Variants in ZSCAN32 observed in about 807,000 individuals in gnomAD.
The protein encoded by ZSCAN32 is zinc finger and SCAN domain containing 32, also known as zinc finger and SCAN domain-containing protein 32.
Under a neutral mutation model 47.4 loss-of-function variants are expected in ZSCAN32, and 52 were observed. The observed-to-expected ratio is 1.10, with a 90% CI of 0.88 to 1.38. The LOEUF is 1.38. ZSCAN32 is among the 40% of genes most tolerant of loss of function. The pLI is 0.00. For synonymous variants in ZSCAN32, 346 were observed against 305.7 expected (o/e 1.13, Z -1.38); for missense variants, 959 against 846.0 (o/e 1.13, Z -1.66).
intron 5 of ZSCAN32, 104 bp downstream of exon 5, chr16:3,389,906 A>T: frequency 8.2e-7 from 1 of 1,220,196 alleles, no homozygotes; most frequent in South Asian, 1.6e-5. Flanking sequence ...CCCTCCACCC[A>T]ACAGTCTCCC....
rs2031350418 is a variant in ZSCAN32, at chr16:3,382,613, G to A, written c.*239C>T. 1 of 413,574 alleles carries A rather than the reference G, an allele frequency of 2.4e-6. No individual in the cohort carries two copies. The highest frequency in any genetic ancestry group is 2.0e-5 in the African/African-American group (1 of 48,974). 25.6% of individuals were successfully genotyped at this position (413,574 alleles called of 1,614,324 possible). Reference sequence around the variant, plus strand: ...CCCTGGTTTCCTGGTAGAATTTATGGATCCTACAGCTTTCTCTCCATCAAA... The same window carrying A: ...CCCTGGTTTCCTGGTAGAATTTATGAATCCTACAGCTTTCTCTCCATCAAA... On this transcript the variant is annotated 3_prime_UTR_variant, in exon 7 of 7. Transcript: ENST00000396852.
chr16:3,397,174 C>A lies in ZSCAN32; in HGVS notation c.366+18G>T. On this transcript the variant is annotated intron_variant, in intron 2 of 6. Transcript: ENST00000396852. ...ACTTCATAACCAAAACCACAAAGTT[C>A]CGACTTCCTTTTCTCACCTGTTGTC... 1.3e-6 allele frequency: 2 copies of A among 1,490,636 alleles called. No individual in the cohort carries two copies. Among genetic ancestry groups the A allele is most frequent in the South Asian group, 2.7e-5 (2 of 73,836 alleles). 92.3% of individuals were successfully genotyped at this position (1,490,636 alleles called of 1,614,324 possible).
Position 3,383,114 on chromosome 16 carries a change from C to T in ZSCAN32, c.1832G>A (p.Gly611Glu). 1 of 1,614,162 alleles carries T rather than the reference C, an allele frequency of 6.2e-7. No individual in the cohort carries two copies. The highest frequency in any genetic ancestry group is 8.5e-7 in the Non-Finnish European group (1 of 1,180,046). Residue 611 changes from glycine (G) to glutamate (E), a missense_variant, in exon 7 of 7, where the codon GGA becomes GAA. By Grantham distance (98) the Gly-to-Glu change is moderately conservative (BLOSUM62 -2). Coordinates refer to ENST00000396852, the MANE Select transcript of ZSCAN32 (RefSeq NM_001284527.2). ...GEKPYQCIVCGKRFNNSSQFS... is the reference protein window; with the variant it reads ...GEKPYQCIVCEKRFNNSSQFS... The stretch of plus-strand genomic sequence containing the variant: ...CTGGGAACTGTTGTTGAATCTCTTT[C>T]CACAGACAATGCACTGGTAAGGCTT...
At chr16:3,386,419 GA>G (rs752929565) in intron 5 of ZSCAN32, among the ~76,000 whole-genome samples, 1 of 152,162 alleles carries the variant, frequency 6.6e-6, no homozygotes, top group Non-Finnish European at 1.5e-5. Flanking sequence ...AATACCATTT[GA>G]CCCAGCAATC....
intron 2 of ZSCAN32, among the ~76,000 whole-genome samples, chr16:3,395,336 T>C (rs2033265440): frequency 6.6e-6 from 1 of 152,206 alleles, no homozygotes; most frequent in African/African-American, 2.4e-5. Context: ...CCAAATCTCA[T>C]CTTCAGTTGT....
chr16:3,390,178 T>G (rs537967717), intron 4 of ZSCAN32, 45 bp from the exon 5 acceptor site: 1,742 of 1,544,924 alleles, frequency 1.1e-3, no homozygotes, highest in Non-Finnish European at 1.4e-3. Context: ...ATAGCACCAC[T>G]CTAGCCTGGG....
chr16:3,393,252 T>TAA (rs2033026138), intron 3 of ZSCAN32, among the ~76,000 whole-genome samples: 3 of 19,330 alleles, frequency 1.6e-4, no homozygotes, highest in African/African-American at 8.1e-4. Context: ...TATATATATA[T>TAA]ATATTTTTTG....
intron 3 of ZSCAN32, among the ~76,000 whole-genome samples, chr16:3,393,202 T>TTAATATATATATATA (rs1555474305): frequency 4.3e-5 from 1 of 23,242 alleles, no homozygotes; most frequent in African/African-American, 3.5e-4. Context: ...ATATATATAT[T>TTAATATATATATATA]TATATTTATA....
chr16:3,395,421 G>T (rs575636844), intron 2 of ZSCAN32, among the ~76,000 whole-genome samples: 1 of 152,268 alleles, frequency 6.6e-6, no homozygotes, highest in Non-Finnish European at 1.5e-5. Context: ...TTTCCTCCAT[G>T]CTACTCTAGT....
At chr16:3,388,013 A>AG (rs2150880158) in intron 5 of ZSCAN32, among the ~76,000 whole-genome samples, 1 of 152,378 alleles carries the variant, frequency 6.6e-6, no homozygotes, top group East Asian at 1.9e-4. Flanking sequence ...TCCTTCATGT[A>AG]GGGCCTCATG....
chr16:3,395,509 G>A (rs1258926096), intron 2 of ZSCAN32, among the ~76,000 whole-genome samples: 1 of 152,122 alleles, frequency 6.6e-6, no homozygotes, highest in Non-Finnish European at 1.5e-5. Context: ...AGGAGGACAT[G>A]TTTGCTTCCC....
intron 1 of ZSCAN32, among the ~76,000 whole-genome samples, chr16:3,399,565 G>A: frequency 6.6e-6 from 1 of 152,016 alleles, no homozygotes; most frequent in East Asian, 1.9e-4. Flanking sequence ...TTTAAAAATA[G>A]TTTTATATAA....
rs1329016703 is a variant in ZSCAN32, at chr16:3,397,538, C to G, written c.20G>C (p.Ser7Thr). The G allele has an allele frequency of 3.2e-6, 5 of 1,542,826 alleles. No homozygotes were observed. The South Asian group carries it at 3.6e-5, about 11-fold the overall frequency. MMAAVK[S>T]TEAHPSSNKD... ...GTTTGAGGATGGGTGTGCCTCGGTA[C>G]TCTTCACTGCAGCCATCATTTGCTT... Residue 7 changes from serine to threonine, a missense_variant, in exon 2 of 7, where the codon AGT (serine) becomes ACT (threonine). Coordinates refer to ENST00000396852, the MANE Select transcript of ZSCAN32 (RefSeq NM_001284527.2).
At chr16:3,390,595 T>G (rs1450558060) in intron 3 of ZSCAN32, 78 bp from the exon 4 acceptor site, 1 of 1,209,850 alleles carries the variant, frequency 8.3e-7, no homozygotes, top group East Asian at 2.7e-5. Context: ...AGTGGGCTCC[T>G]GGGCCAGCCG....
chr16:3,400,337 G>A (rs1369589850), intron 1 of ZSCAN32, among the ~76,000 whole-genome samples: 2 of 152,176 alleles, frequency 1.3e-5, no homozygotes, highest in Non-Finnish European at 2.9e-5. Context: ...AGCAAGGCCA[G>A]GACTAGAACC....
chr16:3,391,310 G>C (rs918602865), intron 3 of ZSCAN32, among the ~76,000 whole-genome samples: 1 of 152,080 alleles, frequency 6.6e-6, no homozygotes, highest in South Asian at 2.1e-4. Flanking sequence ...GTGTTCCCAA[G>C]GATTAAAAGG....
intron 3 of ZSCAN32, among the ~76,000 whole-genome samples, chr16:3,393,216 A>ATATATATT (rs2032977742): frequency 3.9e-5 from 1 of 25,646 alleles, no homozygotes; most frequent in African/African-American, 3.4e-4. Flanking sequence ...ATTTATATAT[A>ATATATATT]TATATATATA....
Position 3,397,266 on chromosome 16 carries a change from T to C in ZSCAN32, c.292A>G (p.Arg98Gly). ...ILPEEIQTWVREQHPENGEEA... is the reference protein window; with the variant it reads ...ILPEEIQTWVGEQHPENGEEA... ...TCGCCGTTTTCTGGATGCTGCTCCC[T>C]CACCCAGGTCTGGATCTCCTCTGGC... Residue 98 changes from arginine (R) to glycine (G), a missense_variant, in exon 2 of 7, where the codon AGG (arginine) becomes GGG (glycine). Arg to Gly is a moderately radical substitution (Grantham distance 125). Coordinates refer to ENST00000396852, the MANE Select transcript of ZSCAN32 (RefSeq NM_001284527.2). 6.4e-7 allele frequency: 1 copy of C among 1,569,068 alleles called. No individual in the cohort carries two copies. The highest frequency in any genetic ancestry group is 8.6e-7 in the Non-Finnish European group (1 of 1,157,110).
chr16:3,392,139 G>A (rs1011618078), intron 3 of ZSCAN32, among the ~76,000 whole-genome samples: 4 of 152,114 alleles, frequency 2.6e-5, no homozygotes, highest in East Asian at 1.9e-4. Context: ...GACACAAAAC[G>A]TCACATAATA....
Sources: gnomAD v4.1 joint callset for allele counts (sites outside exome capture counted in the v4.1 genomes callset) on GRCh38, gnomAD v4.1.1 for gene constraint, MANE v1.5 for transcripts, NCBI Gene and HGNC (gene_info 2026-07-23, HGNC 2026-07-21) for gene names.